CEP43: variants seen among roughly 807,000 people sequenced by gnomAD.
The protein encoded by CEP43 is centrosomal protein 43, also known as FGFR1 oncogene partner.
In CEP43, 36 loss-of-function variants were observed where a neutral mutation model predicts 52.6. The observed-to-expected ratio is 0.68, with a 90% CI of 0.52 to 0.90. The LOEUF is 0.90. Ranked by LOEUF, CEP43 falls within the 40% of genes least tolerant of loss-of-function variation. The pLI is 0.00. For missense variants in CEP43, 506 were observed against 472.8 expected (o/e 1.07, Z -0.65); for synonymous variants, 192 against 172.4 (o/e 1.11, Z -0.89).
chr6:167,001,107 TAGA>T (rs1426288728), intron 2 of CEP43, among the ~76,000 whole-genome samples: 2 of 152,200 alleles, frequency 1.3e-5, no homozygotes, highest in Admixed American at 6.5e-5. Flanking sequence ...ACAGGGAAGG[TAGA>T]AGCCATTAGA....
chr6:167,035,862 C>T (rs1780574096), intron 12 of CEP43, among the ~76,000 whole-genome samples: 3 of 152,184 alleles, frequency 2.0e-5, no homozygotes, highest in African/African-American at 7.2e-5. Context: ...CCACCGCGCC[C>T]AGCAAGTTAT....
At chr6:167,017,834 T>G (rs1780137827) in intron 7 of CEP43, among the ~76,000 whole-genome samples, 1 of 152,238 alleles carries the variant, frequency 6.6e-6, no homozygotes, top group Non-Finnish European at 1.5e-5. Context: ...GAGAACTTAA[T>G]GACCGTTGTA....
At chr6:167,022,289 C>CACACACAT (rs962565166) in intron 7 of CEP43, 120 bp from the exon 8 acceptor site, 19 of 664,668 alleles carry the variant, frequency 2.9e-5, no homozygotes, top group Middle Eastern at 3.4e-4. Context: ...CACACACACA[C>CACACACAT]ACACACAAAG....
In CEP43 at chr6:167,015,619, G is replaced by A. The variant is rs1239011345; in HGVS notation, c.579+2052G>A. ...GCGATGCAGGAGGGCCTAGGGTACC[G>A]CTGCTCCCGGAGCTCTGGAGCACTG... On this transcript the variant is annotated intron_variant, in intron 7 of 12. Transcript: ENST00000366847. Among the ~76,000 whole-genome samples, 9 of 152,188 alleles carry A rather than the reference G, an allele frequency of 5.9e-5. No individual in the cohort carries two copies. In the South Asian group the frequency reaches 1.0e-3, roughly 17 times the overall value.
rs1457947513 is a variant in CEP43 at position 167,045,996 on chromosome 6, C to T, written c.*6018C>T. ...GTGCCAGGCCTTTTCTAGCAGCTCT[C>T]ATGGGTTCATCCCTGCTGCGGGCAT... is the stretch of plus-strand genomic sequence containing the variant. On this transcript the variant is annotated 3_prime_UTR_variant, in exon 13 of 13. Coordinates refer to ENST00000366847, the MANE Select transcript of CEP43 (RefSeq NM_007045.4). 1.3e-5 allele frequency: 2 copies of T among 152,276 alleles called. No individual in the cohort carries two copies. The highest frequency in any genetic ancestry group is 2.9e-5 in the Non-Finnish European group (2 of 68,116). The allele number at this position is 152,276 out of a possible 1,614,324, so 9.4% of individuals were successfully genotyped here. A position where few individuals can be genotyped will look rare whatever the true frequency, so the allele number is the denominator to read the frequency against.
Position 167,026,703 on chromosome 6 carries a change from C to T in CEP43, c.988+88C>T, listed in dbSNP as rs1048729882. On this transcript the variant is annotated intron_variant, in intron 10 of 12. Transcript: ENST00000366847. ...TAAAAGAAGTGACTCCGTCTGCCTA[C>T]GCTGAGCACCTTCCTGCTGCTGCTC... is the stretch of plus-strand genomic sequence containing the variant. 1.3e-4 allele frequency: 100 copies of T among 758,784 alleles called. 1 individual carries two copies. Among genetic ancestry groups the T allele is most frequent in the Middle Eastern group, 4.6e-4 (2 of 4,336 alleles). The allele number at this position is 758,784 out of a possible 1,614,324, so 47.0% of individuals were successfully genotyped here.
chr6:167,020,286 T>G (rs767930292), intron 7 of CEP43, among the ~76,000 whole-genome samples: 4 of 152,218 alleles, frequency 2.6e-5, no homozygotes, highest in African/African-American at 9.6e-5. Context: ...AATGTGTAGC[T>G]CTCTAGAAGG....
chr6:167,006,222 A>C (rs1329537023), intron 5 of CEP43, among the ~76,000 whole-genome samples: 1 of 152,228 alleles, frequency 6.6e-6, no homozygotes, highest in African/African-American at 2.4e-5. Flanking sequence ...TGCGAATTGA[A>C]AATATTCGGA....
intron 5 of CEP43, among the ~76,000 whole-genome samples, chr6:167,009,876 A>G (rs1479181651): frequency 6.6e-6 from 1 of 152,064 alleles, no homozygotes; most frequent in African/African-American, 2.4e-5. Context: ...ATGAATAGAT[A>G]AAGATGACCT....
intron 5 of CEP43, among the ~76,000 whole-genome samples, chr6:167,009,665 CA>C (rs562641835): frequency 0.033 from 2,201 of 66,638 alleles, 33 homozygotes; most frequent in Admixed American, 0.08. Flanking sequence ...AACTCCGTCT[CA>C]AAAAAAAAAA....
chr6:167,038,033 C>T (rs1287804158), intron 12 of CEP43, among the ~76,000 whole-genome samples: 8 of 152,142 alleles, frequency 5.3e-5, no homozygotes, highest in Non-Finnish European at 1.2e-4. Context: ...GCTGTATGTT[C>T]TATATTCTGG....
intron 7 of CEP43, among the ~76,000 whole-genome samples, chr6:167,014,947 G>T (rs1780061069): frequency 6.6e-6 from 1 of 152,134 alleles, no homozygotes; most frequent in South Asian, 2.1e-4. Flanking sequence ...ATATTTTATA[G>T]TATTAAGCTT....
chr6:167,024,678 A>G (rs1735621207), intron 8 of CEP43, 104 bp from the exon 9 acceptor site: 2 of 780,012 alleles, frequency 2.6e-6, no homozygotes, highest in Non-Finnish European at 4.3e-6. Flanking sequence ...TCCAGCCACC[A>G]CACGTATAAA....
rs61698763 is a variant in CEP43, at chr6:167,050,781, G to GA, written c.*10826dup. ...GGGTGACAGAGTGAGACTCAAAAAA[G>GA]AAAAAAAAAAAAAAAAAAAAAAAGA... is the stretch of plus-strand genomic sequence containing the variant. On this transcript the variant is annotated 3_prime_UTR_variant, in exon 13 of 13. Transcript: ENST00000366847. 9.9e-3 allele frequency: 958 copies of GA among 96,328 alleles called. 3 individuals carry two copies. The highest frequency in any genetic ancestry group is 0.012 in the Non-Finnish European group (610 of 50,510). 6.0% of individuals were successfully genotyped at this position (96,328 alleles called of 1,614,324 possible). A position where few individuals can be genotyped will look rare whatever the true frequency, so the allele number is the denominator to read the frequency against.
intron 10 of CEP43, chr6:167,028,657 A>G (rs886835755): frequency 4.2e-6 from 1 of 236,112 alleles, no homozygotes; most frequent in Non-Finnish European, 6.9e-6. Flanking sequence ...TATTTTATTT[A>G]ATTCATATCC....
chr6:167,022,711 A>T (rs1295992168), intron 8 of CEP43, 76 bp downstream of exon 8: 11 of 933,648 alleles, frequency 1.2e-5, no homozygotes, highest in Non-Finnish European at 1.8e-5. Context: ...TAGTTAAAAA[A>T]TAATGAACTA....
intron 9 of CEP43, among the ~76,000 whole-genome samples, chr6:167,025,607 A>G (rs1780337031): frequency 6.6e-6 from 1 of 152,256 alleles, no homozygotes; most frequent in Non-Finnish European, 1.5e-5. Context: ...CGTTTTGCAT[A>G]ATTGTCCAGT....
chr6:167,037,764 T>C (rs1315129390), intron 12 of CEP43, among the ~76,000 whole-genome samples: 5 of 152,258 alleles, frequency 3.3e-5, no homozygotes, highest in African/African-American at 1.2e-4. Context: ...AAGATGTTCC[T>C]ATTCTTGTGC....
chr6:167,005,433 G>C (rs1393638515), intron 5 of CEP43, among the ~76,000 whole-genome samples: 1 of 152,178 alleles, frequency 6.6e-6, no homozygotes, highest in African/African-American at 2.4e-5. Flanking sequence ...TAGTTTAGAG[G>C]AGGAAGCGAT....
Sources: gnomAD v4.1 joint callset for allele counts (sites outside exome capture counted in the v4.1 genomes callset) on GRCh38, gnomAD v4.1.1 for gene constraint, MANE v1.5 for transcripts, NCBI Gene and HGNC (gene_info 2026-07-23, HGNC 2026-07-21) for gene names.